Variants in ZNF385D observed in about 807,000 individuals in gnomAD.
The protein encoded by ZNF385D is zinc finger protein 385D, also known as zinc finger protein 659.
A neutral mutation model predicts 35.8 loss-of-function variants in ZNF385D; 15 were observed. That is an observed-to-expected ratio of 0.42 (90% CI 0.28 to 0.64). ZNF385D has a LOEUF of 0.64. Among genes scored for constraint, ZNF385D ranks in the 30% least tolerant of loss-of-function variants. ZNF385D has a pLI of 0.23. For synonymous variants in ZNF385D, 212 were observed against 186.8 expected (o/e 1.13, Z -1.10); for missense variants, 474 against 494.6 (o/e 0.96, Z 0.39).
At chr3:21,763,776 C>G (rs1224544756) in intron 3 of ZNF385D, among the ~76,000 whole-genome samples, 2 of 152,126 alleles carry the variant, frequency 1.3e-5, no homozygotes, top group Non-Finnish European at 2.9e-5. Flanking sequence ...AACAGTAAGT[C>G]CATTTTAATC....
intron 2 of ZNF385D, among the ~76,000 whole-genome samples, chr3:22,259,083 A>G (rs1212131450): frequency 4.6e-5 from 7 of 151,950 alleles, no homozygotes; most frequent in African/African-American, 1.7e-4. Flanking sequence ...AACTATTTTA[A>G]ATTGGGCTAC....
chr3:22,297,240 TCCC>T (rs1332716870), intron 2 of ZNF385D, among the ~76,000 whole-genome samples: 3 of 151,756 alleles, frequency 2.0e-5, no homozygotes, highest in Non-Finnish European at 2.9e-5. Context: ...CAACCCCAGA[TCCC>T]CCCAATAGGA....
intron 3 of ZNF385D, among the ~76,000 whole-genome samples, chr3:22,007,314 A>G (rs1297135388): frequency 6.6e-6 from 1 of 152,212 alleles, no homozygotes; most frequent in African/African-American, 2.4e-5. Context: ...AGTGTTCATA[A>G]AGATCTCATA....
chr3:22,082,219 C>T (rs1349137277), intron 3 of ZNF385D, among the ~76,000 whole-genome samples: 1 of 152,018 alleles, frequency 6.6e-6, no homozygotes, highest in Admixed American at 6.6e-5. Context: ...GGATGCAGCC[C>T]ACGGAGGGTG....
chr3:22,237,850 G>A (rs912822800), intron 2 of ZNF385D, among the ~76,000 whole-genome samples: 1 of 142,738 alleles, frequency 7.0e-6, no homozygotes, highest in Non-Finnish European at 1.5e-5. Context: ...CACCACATTC[G>A]CCATGATGGT....
chr3:22,312,930 C>A (rs1297284413), intron 2 of ZNF385D, among the ~76,000 whole-genome samples: 1 of 136,024 alleles, frequency 7.4e-6, no homozygotes, highest in Non-Finnish European at 1.5e-5. Flanking sequence ...ATAAATCATG[C>A]TGCTATAAAG....
At chr3:21,591,199 CA>C (rs1052484157) in intron 2 of ZNF385D, among the ~76,000 whole-genome samples, 1 of 152,000 alleles carries the variant, frequency 6.6e-6, no homozygotes. Context: ...CAAAACAAAA[CA>C]AAGTTTCATG....
intron 2 of ZNF385D, among the ~76,000 whole-genome samples, chr3:21,567,789 C>A (rs969939093): frequency 3.2e-4 from 48 of 152,266 alleles, no homozygotes; most frequent in African/African-American, 1.1e-3. Context: ...TCCGAAAATA[C>A]ATACTGCTGA....
intron 3 of ZNF385D, among the ~76,000 whole-genome samples, chr3:22,066,132 G>A (rs1430666710): frequency 4.0e-5 from 6 of 151,794 alleles, no homozygotes; most frequent in Non-Finnish European, 8.8e-5. Context: ...TGTGATAGGA[G>A]GAAAAAAATA....
chr3:21,664,861 A>C, intron 2 of ZNF385D, 25 bp downstream of exon 2: 3 of 1,613,258 alleles, frequency 1.9e-6, no homozygotes, highest in Non-Finnish European at 2.5e-6. Flanking sequence ...CCACTCAGGC[A>C]AAGACAAATT....
intron 3 of ZNF385D, among the ~76,000 whole-genome samples, chr3:21,537,737 G>A (rs942809090): frequency 6.6e-6 from 1 of 151,996 alleles, no homozygotes; most frequent in African/African-American, 2.4e-5. Flanking sequence ...AGAGGATGAA[G>A]CACAAAAGTC....
intron 3 of ZNF385D, among the ~76,000 whole-genome samples, chr3:21,801,551 T>A (rs975358180): frequency 1.1e-4 from 17 of 152,198 alleles, no homozygotes; most frequent in African/African-American, 4.1e-4. Flanking sequence ...TAACCAGAAC[T>A]TAGATGAGGC....
intron 3 of ZNF385D, among the ~76,000 whole-genome samples, chr3:21,815,066 C>T (rs1456182159): frequency 6.6e-6 from 1 of 152,182 alleles, no homozygotes; most frequent in East Asian, 1.9e-4. Flanking sequence ...AACTGAACAA[C>T]CTGCTCCTGA....
At chr3:22,369,080 C>T (rs1696786399) in intron 2 of ZNF385D, among the ~76,000 whole-genome samples, 1 of 152,092 alleles carries the variant, frequency 6.6e-6, no homozygotes, top group Admixed American at 6.5e-5. Flanking sequence ...ACTTTAGAGT[C>T]CTTGTCAGAA....
chr3:22,081,340 G>C (rs976770837), intron 3 of ZNF385D, among the ~76,000 whole-genome samples: 1 of 152,078 alleles, frequency 6.6e-6, no homozygotes, highest in Non-Finnish European at 1.5e-5. Flanking sequence ...CCATTTAGTA[G>C]CTCCATTCTT....
intron 3 of ZNF385D, among the ~76,000 whole-genome samples, chr3:21,826,927 C>T (rs938339699): frequency 1.3e-5 from 2 of 151,928 alleles, no homozygotes; most frequent in Non-Finnish European, 2.9e-5. Flanking sequence ...ACTTCAAGGT[C>T]AAAGTGCCTG....
chr3:21,861,100 T>C (rs954138080), intron 3 of ZNF385D, among the ~76,000 whole-genome samples: 8 of 152,146 alleles, frequency 5.3e-5, no homozygotes, highest in Admixed American at 2.0e-4. Context: ...AAAAATATTT[T>C]AGTCCATCCA....
chr3:21,783,723 A>T (rs993765627), intron 3 of ZNF385D, among the ~76,000 whole-genome samples: 4 of 152,192 alleles, frequency 2.6e-5, no homozygotes, highest in Middle Eastern at 3.2e-3. Context: ...GCACAAAGGC[A>T]CCAGGTAAAA....
At chr3:21,426,036 A>G (rs1310543106) in intron 5 of ZNF385D, among the ~76,000 whole-genome samples, 2 of 152,218 alleles carry the variant, frequency 1.3e-5, no homozygotes, top group Non-Finnish European at 2.9e-5. Flanking sequence ...CTAACAAGAC[A>G]TAAATGATAC....
Sources: gnomAD v4.1 joint callset for allele counts (sites outside exome capture counted in the v4.1 genomes callset) on GRCh38, gnomAD v4.1.1 for gene constraint, MANE v1.5 for transcripts, NCBI Gene and HGNC (gene_info 2026-07-23, HGNC 2026-07-21) for gene names.